Variants in HPSE2 observed in about 807,000 individuals in gnomAD.
HPSE2 encodes heparanase 2 (inactive), also known as inactive heparanase-2.
A neutral mutation model predicts 60.5 loss-of-function variants in HPSE2; 38 were observed. The observed-to-expected ratio is 0.63, with a 90% CI of 0.48 to 0.82. The LOEUF is 0.82. Among genes scored for constraint, HPSE2 ranks in the 40% least tolerant of loss-of-function variants. HPSE2 has a pLI of 0.00. For synonymous variants in HPSE2, 295 were observed against 293.2 expected (o/e 1.01, Z -0.06); for missense variants, 713 against 740.4 (o/e 0.96, Z 0.43).
chr10:98,698,257 A>T (rs1948289660), intron 5 of HPSE2, among the ~76,000 whole-genome samples: 1 of 118,648 alleles, frequency 8.4e-6, no homozygotes, highest in Admixed American at 9.7e-5. Context: ...TCTCCTCAGC[A>T]AATGTAAAAG....
At chr10:99,172,024 C>A (rs1847330296) in intron 2 of HPSE2, among the ~76,000 whole-genome samples, 1 of 152,078 alleles carries the variant, frequency 6.6e-6, no homozygotes, top group African/African-American at 2.4e-5. Context: ...GGTATCATAA[C>A]TTTTTATAAT....
At chr10:99,105,663 T>TA (rs1367563374) in intron 3 of HPSE2, among the ~76,000 whole-genome samples, 1 of 152,036 alleles carries the variant, frequency 6.6e-6, no homozygotes, top group Non-Finnish European at 1.5e-5. Flanking sequence ...CTCATGGCCC[T>TA]AGCTGTTATG....
chr10:98,765,819 G>T (rs924349232), intron 3 of HPSE2, among the ~76,000 whole-genome samples: 3 of 151,994 alleles, frequency 2.0e-5, no homozygotes, highest in Admixed American at 2.0e-4. Flanking sequence ...CTCCAGCCTG[G>T]GTGACAGAGC....
chr10:99,048,891 T>C lies in HPSE2; in HGVS notation c.610+95347A>G, dbSNP rs562363619. 8.7e-4 allele frequency among the ~76,000 whole-genome samples: 132 copies of C among 152,320 alleles called. 1 individual carries two copies. Among genetic ancestry groups the C allele is most frequent in the African/African-American group, 3.1e-3 (128 of 41,578 alleles). ...GGTACATATACACCATGGCATATTA[T>C]GCAGCTATAAAAAAGAATCAAATCC... is the stretch of plus-strand genomic sequence containing the variant. On this transcript the variant is annotated intron_variant, in intron 3 of 11. Transcript: ENST00000370552.
chr10:98,499,019 C>T (rs1941942856), intron 9 of HPSE2, among the ~76,000 whole-genome samples: 1 of 152,072 alleles, frequency 6.6e-6, no homozygotes, highest in Non-Finnish European at 1.5e-5. Context: ...ATGATGAAAC[C>T]TAAGAATAAT....
intron 3 of HPSE2, among the ~76,000 whole-genome samples, chr10:98,785,552 G>A (rs1420205377): frequency 3.1e-5 from 3 of 95,742 alleles, no homozygotes; most frequent in African/African-American, 8.8e-5. Flanking sequence ...GGTAGAATTC[G>A]GCTGTGAATC....
intron 11 of HPSE2, 132 bp from the exon 12 acceptor site, chr10:98,459,871 C>T (rs1255588961): frequency 1.1e-6 from 1 of 878,192 alleles, no homozygotes; most frequent in African/African-American, 1.7e-5. Context: ...ACTGGCTATG[C>T]CCTAGATTCT....
intron 2 of HPSE2, among the ~76,000 whole-genome samples, chr10:99,176,361 G>A (rs1015939752): frequency 1.3e-5 from 2 of 152,146 alleles, no homozygotes; most frequent in Admixed American, 1.3e-4. Context: ...ATGCAAGGAA[G>A]CTAGGAACCT....
intron 2 of HPSE2, among the ~76,000 whole-genome samples, chr10:99,162,760 T>C (rs1281610476): frequency 1.3e-5 from 2 of 152,198 alleles, no homozygotes; most frequent in Admixed American, 6.5e-5. Flanking sequence ...ACCAAGTTTA[T>C]CCACTTTGGT....
At chr10:99,083,778 T>C (rs1031192742) in intron 3 of HPSE2, among the ~76,000 whole-genome samples, 3 of 152,102 alleles carry the variant, frequency 2.0e-5, no homozygotes. Context: ...CTTGAGTTTC[T>C]TTTCCTCCAA....
intron 3 of HPSE2, among the ~76,000 whole-genome samples, chr10:99,094,285 T>C (rs995675730): frequency 2.0e-5 from 3 of 151,732 alleles, no homozygotes; most frequent in African/African-American, 4.8e-5. Flanking sequence ...TGGGACTGTA[T>C]TGAAACGTTC....
intron 3 of HPSE2, among the ~76,000 whole-genome samples, chr10:99,133,748 A>T (rs1845537334): frequency 6.6e-6 from 1 of 152,192 alleles, no homozygotes; most frequent in African/African-American, 2.4e-5. Context: ...AGGTAGATAA[A>T]TCCACAAAGA....
At chr10:99,302,748 A>G in the HPSE2 span, among the ~76,000 whole-genome samples, 3 of 151,912 alleles carry the variant, frequency 2.0e-5, no homozygotes, top group African/African-American at 7.3e-5. Context: ...TTGGGGAAAG[A>G]AACTATTCCA....
At chr10:98,546,535 C>G (rs1329834741) in intron 9 of HPSE2, among the ~76,000 whole-genome samples, 2 of 151,020 alleles carry the variant, frequency 1.3e-5, no homozygotes, top group Non-Finnish European at 3.0e-5. Flanking sequence ...ACAAACCTGA[C>G]AAAAAAAAGC....
intron 3 of HPSE2, among the ~76,000 whole-genome samples, chr10:98,912,317 G>A (rs1954001408): frequency 1.3e-5 from 2 of 152,120 alleles, no homozygotes; most frequent in South Asian, 4.1e-4. Flanking sequence ...AATGTCATTT[G>A]GTGTGAATGT....
intron 5 of HPSE2, among the ~76,000 whole-genome samples, chr10:98,716,718 G>A (rs1363578690): frequency 6.6e-6 from 1 of 152,070 alleles, no homozygotes; most frequent in African/African-American, 2.4e-5. Flanking sequence ...TGAGTTAGCA[G>A]GCTTAAAAAA....
chr10:99,306,638 C>A, the HPSE2 span, among the ~76,000 whole-genome samples: 1 of 152,192 alleles, frequency 6.6e-6, no homozygotes, highest in African/African-American at 2.4e-5. Flanking sequence ...CATAAGACAA[C>A]TGGTACTGTG....
intron 9 of HPSE2, among the ~76,000 whole-genome samples, chr10:98,597,467 C>T (rs978040963): frequency 6.6e-6 from 1 of 150,704 alleles, no homozygotes; most frequent in Admixed American, 6.6e-5. Context: ...GAGTTCGAGA[C>T]CAGCCTTGTC....
At chr10:98,611,652 T>C (rs1945761519) in intron 9 of HPSE2, among the ~76,000 whole-genome samples, 2 of 152,198 alleles carry the variant, frequency 1.3e-5, no homozygotes, top group Non-Finnish European at 2.9e-5. Context: ...CTGCTGGCAA[T>C]GTGTGTCAGA....
Sources: gnomAD v4.1 joint callset for allele counts (sites outside exome capture counted in the v4.1 genomes callset) on GRCh38, gnomAD v4.1.1 for gene constraint, MANE v1.5 for transcripts, NCBI Gene and HGNC (gene_info 2026-07-23, HGNC 2026-07-21) for gene names.